ADAMTS17: variants seen among roughly 807,000 people sequenced by gnomAD.
ADAMTS17 encodes A disintegrin and metalloproteinase with thrombospondin motifs 17.
In ADAMTS17, 113 loss-of-function variants were observed where a neutral mutation model predicts 141.5. That is an observed-to-expected ratio of 0.80 (90% CI 0.69 to 0.93). ADAMTS17 has a LOEUF of 0.93. Among genes scored for constraint, ADAMTS17 ranks in the 40% least tolerant of loss-of-function variants. The probability of loss-of-function intolerance (pLI) is 0.00; values close to 1 mark genes in which losing one functional copy is unlikely to be tolerated. For missense variants in ADAMTS17, 1,659 were observed against 1,517.9 expected (o/e 1.09, Z -1.54); for synonymous variants, 768 against 630.6 (o/e 1.22, Z -3.27).
At chr15:100,046,553 G>A (rs537151782) in intron 18 of ADAMTS17, among the ~76,000 whole-genome samples, 59 of 152,294 alleles carry the variant, frequency 3.9e-4, no homozygotes, top group African/African-American at 1.2e-3. Context: ...CGGAGGGACC[G>A]GCTGAAGCCA....
At chr15:100,193,246 T>A (rs76323326) in intron 8 of ADAMTS17, among the ~76,000 whole-genome samples, 2,008 of 152,304 alleles carry the variant, frequency 0.013, 57 homozygotes, top group African/African-American at 0.045. Context: ...TTGCGCCATG[T>A]CCTCCTTGAG....
intron 18 of ADAMTS17, among the ~76,000 whole-genome samples, chr15:100,017,965 A>G (rs1463360528): frequency 6.6e-6 from 1 of 152,194 alleles, no homozygotes; most frequent in East Asian, 1.9e-4. Context: ...CAGTTCAGTG[A>G]CATTAAGTAT....
chr15:100,205,093 G>A (rs2041482875), intron 7 of ADAMTS17, among the ~76,000 whole-genome samples: 1 of 152,144 alleles, frequency 6.6e-6, no homozygotes. Flanking sequence ...TAGGGTTAAT[G>A]AGACCACAGC....
chr15:100,182,997 C>CT (rs527416164), intron 8 of ADAMTS17, among the ~76,000 whole-genome samples: 116 of 148,328 alleles, frequency 7.8e-4, no homozygotes, highest in Middle Eastern at 3.4e-3. Flanking sequence ...TTTTCTTTTT[C>CT]TTTTTTTTTG....
intron 15 of ADAMTS17, among the ~76,000 whole-genome samples, chr15:100,059,353 T>C (rs570326736): frequency 6.6e-6 from 1 of 152,092 alleles, no homozygotes; most frequent in South Asian, 2.1e-4. Flanking sequence ...TGCACGCCTC[T>C]CCTCGGGACA....
rs190769871 is a variant in ADAMTS17, at chr15:100,168,222, G to A, written c.1182-12902C>T. ...CTGCCAAGGGTGCACTGCGAATGAC[G>A]GGAGGAACCACCTCCTGGATTTTGG... On this transcript the variant is annotated intron_variant, in intron 8 of 21. Transcript: ENST00000268070. 1.2e-3 allele frequency among the ~76,000 whole-genome samples: 182 copies of A among 152,294 alleles called. 1 individual carries two copies. Among genetic ancestry groups the A allele is most frequent in the African/African-American group, 3.5e-3 (146 of 41,562 alleles).
At chr15:100,140,923 C>T (rs182027879) in intron 10 of ADAMTS17, among the ~76,000 whole-genome samples, 13 of 152,256 alleles carry the variant, frequency 8.5e-5, no homozygotes, top group African/African-American at 2.9e-4. Context: ...CCCTGGGCTT[C>T]AGCGACACGT....
At chr15:100,290,514 A>C (rs2044593364) in intron 3 of ADAMTS17, among the ~76,000 whole-genome samples, 1 of 152,230 alleles carries the variant, frequency 6.6e-6, no homozygotes, top group Non-Finnish European at 1.5e-5. Flanking sequence ...ACTATTCTAA[A>C]ATTCATATGG....
At chr15:100,338,232 C>T (rs1490844769) in intron 2 of ADAMTS17, among the ~76,000 whole-genome samples, 2 of 152,158 alleles carry the variant, frequency 1.3e-5, no homozygotes, top group Non-Finnish European at 2.9e-5. Context: ...AAAAATGGAA[C>T]AGGTGCTTTA....
chr15:100,229,311 T>C lies in ADAMTS17; in HGVS notation c.1075+24825A>G, dbSNP rs527756515. Among the ~76,000 whole-genome samples, 34 of 137,228 alleles carry C rather than the reference T, an allele frequency of 2.5e-4. 1 individual carries two copies. Among genetic ancestry groups the C allele is most frequent in the South Asian group, 2.1e-3 (8 of 3,844 alleles). The allele number at this position is 137,228 out of a possible 152,430, so 90.0% of individuals were successfully genotyped here. A position where few individuals can be genotyped will look rare whatever the true frequency, so the allele number is the denominator to read the frequency against. ...CTCCCCACATTGACAGAAGTGACCA[T>C]TGACTGGACTCCCAGGCCTCTTATC... On this transcript the variant is annotated intron_variant, in intron 7 of 21. Transcript: ENST00000268070.
intron 8 of ADAMTS17, 96 bp downstream of exon 8, chr15:100,199,222 G>C: frequency 1.7e-6 from 2 of 1,183,182 alleles, no homozygotes; most frequent in Non-Finnish European, 2.5e-6. Flanking sequence ...CAAAGGCATA[G>C]AGCAGCACTG....
intron 15 of ADAMTS17, among the ~76,000 whole-genome samples, chr15:100,084,959 G>A (rs2035002089): frequency 6.6e-6 from 1 of 152,194 alleles, no homozygotes; most frequent in African/African-American, 2.4e-5. Context: ...AAGGAACACA[G>A]CTCCTCACCA....
intron 18 of ADAMTS17, among the ~76,000 whole-genome samples, chr15:100,008,544 G>C (rs1481535113): frequency 1.3e-5 from 2 of 152,248 alleles, no homozygotes; most frequent in Admixed American, 6.5e-5. Flanking sequence ...CTGAGGGGAA[G>C]GCTTGGCCTT....
intron 8 of ADAMTS17, among the ~76,000 whole-genome samples, chr15:100,187,839 A>C (rs2040775530): frequency 6.6e-6 from 1 of 152,170 alleles, no homozygotes; most frequent in Non-Finnish European, 1.5e-5. Context: ...GAAAATAAAA[A>C]CTGAATGGGA....
chr15:100,007,286 T>C (rs755502300), intron 18 of ADAMTS17, among the ~76,000 whole-genome samples: 1 of 152,128 alleles, frequency 6.6e-6, no homozygotes, highest in Non-Finnish European at 1.5e-5. Context: ...CTGGGATGTC[T>C]GGTCCACACC....
chr15:100,176,067 T>C (rs1050084710), intron 8 of ADAMTS17, among the ~76,000 whole-genome samples: 3 of 152,160 alleles, frequency 2.0e-5, no homozygotes, highest in Non-Finnish European at 4.4e-5. Flanking sequence ...AACTCCCTCA[T>C]GAGGTGGATG....
intron 18 of ADAMTS17, among the ~76,000 whole-genome samples, chr15:100,035,134 A>G (rs1014315570): frequency 2.0e-5 from 3 of 152,184 alleles, no homozygotes; most frequent in African/African-American, 7.2e-5. Context: ...CTTTCAAAAG[A>G]GCAATACCTT....
At chr15:100,285,077 T>G (rs891226987) in intron 3 of ADAMTS17, among the ~76,000 whole-genome samples, 1 of 152,262 alleles carries the variant, frequency 6.6e-6, no homozygotes, top group African/African-American at 2.4e-5. Flanking sequence ...CAGTTTCTTT[T>G]GCCAGCACCT....
intron 7 of ADAMTS17, among the ~76,000 whole-genome samples, chr15:100,221,998 T>C (rs1027811233): frequency 6.6e-6 from 1 of 152,210 alleles, no homozygotes; most frequent in African/African-American, 2.4e-5. Context: ...ACACAGTCTG[T>C]GACCCAGTCA....
Sources: allele counts gnomAD v4.1 joint callset (sites outside exome capture counted in the v4.1 genomes callset), GRCh38; gene constraint gnomAD v4.1.1; transcripts MANE v1.5; gene names NCBI Gene and HGNC (gene_info 2026-07-23, HGNC 2026-07-21).